The following DHX30 variants were observed in gnomAD, a reference collection of about 807,000 sequenced individuals.
DHX30 encodes ATP-dependent RNA helicase DHX30.
DHX30 carries 4 observed loss-of-function variants against 116.9 expected under a neutral mutation model. The ratio of observed to expected loss-of-function variants is 0.03; its 90% CI spans 0.02 to 0.08. The LOEUF (loss-of-function observed/expected upper bound fraction) is 0.08. DHX30 is among the 10% of genes least tolerant of loss of function. The pLI, the probability that DHX30 is intolerant of heterozygous loss-of-function variation, is 1.00. For missense variants in DHX30, 871 were observed against 1,595.1 expected (o/e 0.55, Z 7.73); for synonymous variants, 697 against 651.7 (o/e 1.07, Z -1.06).
At chr3:47,841,499 C>A in intron 7 of DHX30, 118 bp from the exon 8 acceptor site, 1 of 1,401,348 alleles carries the variant, frequency 7.1e-7, no homozygotes. Flanking sequence ...CCATTTCATG[C>A]CTTCTGCCCT....
rs768127027 is a variant in DHX30 at position 47,845,686 on chromosome 3, A to G, written c.940-14A>G. On this transcript the variant is annotated splice_polypyrimidine_tract_variant and intron_variant, in intron 9 of 21. Coordinates refer to ENST00000445061, the MANE Select transcript of DHX30 (RefSeq NM_138615.3). ...CCCCAGAGCATAGACTGAGTCTTGC[A>G]TGTCCCCCTGCAGAGCCTGGGCCTG... The G allele has an allele frequency of 1.7e-5, 27 of 1,576,636 alleles. No homozygotes were observed. Among genetic ancestry groups the G allele is most frequent in the Non-Finnish European group, 2.1e-5 (24 of 1,152,466 alleles).
At chr3:47,811,832 G>A (rs1344350109) in intron 3 of DHX30, among the ~76,000 whole-genome samples, 4 of 151,898 alleles carry the variant, frequency 2.6e-5, no homozygotes, top group Non-Finnish European at 5.9e-5. Context: ...GGGAGGCCAA[G>A]GTGGACGGAT....
chr3:47,842,536 C>T (rs953427883), intron 8 of DHX30: 3 of 152,404 alleles, frequency 2.0e-5, no homozygotes, highest in Non-Finnish European at 4.4e-5. Flanking sequence ...GTTTTTACTT[C>T]TGTAGAATTA....
At chr3:47,835,606 A>AT (rs1034263420) in intron 6 of DHX30, among the ~76,000 whole-genome samples, 1 of 138,080 alleles carries the variant, frequency 7.2e-6, no homozygotes, top group African/African-American at 2.8e-5. Context: ...CGCCCGGCCA[A>AT]TTTTTTTGTA....
intron 4 of DHX30, chr3:47,822,419 TCA>T (rs894986760): frequency 3.3e-5 from 5 of 152,256 alleles, no homozygotes; most frequent in African/African-American, 9.7e-5. Flanking sequence ...TGGAGAGGCC[TCA>T]CAACCATGGT....
Position 47,849,267 on chromosome 3 carries a change from C to T in DHX30, c.3005C>T (p.Ser1002Phe), listed in dbSNP as rs2037862031. Reference sequence around the variant, plus strand: ...AAGCCCTCGGACTGCACCCTGGCCTCCGCCCAGTGCAACGAGTACAGTGAG... The same window carrying T: ...AAGCCCTCGGACTGCACCCTGGCCTTCGCCCAGTGCAACGAGTACAGTGAG... The part of the protein sequence containing the change: ...VGKPSDCTLA[S>F]AQCNEYSEEE... Residue 1002 changes from serine to phenylalanine, a missense_variant, in exon 19 of 22, where the codon TCC (serine) becomes TTC (phenylalanine). Coordinates refer to ENST00000445061, the MANE Select transcript of DHX30 (RefSeq NM_138615.3). The T allele has an allele frequency of 6.2e-7, 1 of 1,614,158 alleles. No homozygotes were observed. Among genetic ancestry groups the T allele is most frequent in the Non-Finnish European group, 8.5e-7 (1 of 1,180,038 alleles).
chr3:47,809,805 G>A (rs1240459019), intron 2 of DHX30, among the ~76,000 whole-genome samples: 1 of 152,148 alleles, frequency 6.6e-6, no homozygotes, highest in Non-Finnish European at 1.5e-5. Context: ...TGTTGGACAT[G>A]ATTCTGATTG....
In DHX30 at chr3:47,849,265, C is replaced by T. The variant is rs1414795690; in HGVS notation, c.3003C>T (p.Ala1001=). 2 of 1,614,040 alleles carry T rather than the reference C, an allele frequency of 1.2e-6. No homozygotes were observed. The highest frequency in any genetic ancestry group is 1.6e-4 in the Middle Eastern group (1 of 6,084). The change falls in exon 19 of 22, where the codon GCC becomes GCT. Residue 1001 remains alanine, a synonymous_variant. Transcript: ENST00000445061. ...GGAAGCCCTCGGACTGCACCCTGGC[C>T]TCCGCCCAGTGCAACGAGTACAGTG... The part of the protein sequence containing the change: ...LVGKPSDCTL[A]SAQCNEYSEE...
At chr3:47,809,756 T>A (rs1437763240) in intron 2 of DHX30, among the ~76,000 whole-genome samples, 1 of 151,770 alleles carries the variant, frequency 6.6e-6, no homozygotes, top group African/African-American at 2.4e-5. Flanking sequence ...GGAACAGGAG[T>A]CAGGAGCCGG....
chr3:47,825,275 C>T (rs1306993303), intron 4 of DHX30: 2 of 564,016 alleles, frequency 3.5e-6, no homozygotes, highest in South Asian at 4.1e-5. Context: ...GGCGGGCGGT[C>T]CGCAGCGCCC....
intron 3 of DHX30, among the ~76,000 whole-genome samples, chr3:47,813,757 C>A (rs899224392): frequency 3.3e-5 from 5 of 152,116 alleles, no homozygotes; most frequent in African/African-American, 1.2e-4. Context: ...CCTGTGTAAC[C>A]CATTGAATGG....
chr3:47,841,969 C>G (rs962655632), intron 8 of DHX30: 2 of 561,038 alleles, frequency 3.6e-6, no homozygotes, highest in Admixed American at 3.1e-5. Flanking sequence ...AGACCCATAC[C>G]TCTTCTGGGC....
intron 6 of DHX30, among the ~76,000 whole-genome samples, chr3:47,829,418 A>C (rs1181317119): frequency 3.5e-5 from 5 of 141,448 alleles, no homozygotes; most frequent in African/African-American, 5.3e-5. Flanking sequence ...ATCTTGGCTC[A>C]CTGCAACCTC....
chr3:47,844,830 G>A (rs201886325), intron 9 of DHX30, among the ~76,000 whole-genome samples: 1 of 152,094 alleles, frequency 6.6e-6, no homozygotes, highest in Non-Finnish European at 1.5e-5. Flanking sequence ...CCAGTGGCTT[G>A]TTTGATCAAG....
intron 3 of DHX30, chr3:47,815,939 CTTT>C (rs200901757): frequency 2.5e-4 from 214 of 868,156 alleles, no homozygotes; most frequent in Middle Eastern, 5.9e-4. Flanking sequence ...ATCATTTATT[CTTT>C]TTTTTTTTTT....
At position 47,833,635 on chromosome 3, in the gene DHX30, G is replaced by A. The variant is rs1017708373; in HGVS notation, c.366+4501G>A. Among the ~76,000 whole-genome samples the A allele has an allele frequency of 6.6e-5, 10 of 151,548 alleles. 1 individual carries two copies. Among genetic ancestry groups the A allele is most frequent in the South Asian group, 2.1e-4 (1 of 4,796 alleles). ...AGCACTTTGGGAGTCTGAGGCTGGC[G>A]GATCACGAGGTCAGGAGTTCGAGAC... On this transcript the variant is annotated intron_variant, in intron 6 of 21. Transcript: ENST00000445061.
intron 4 of DHX30, 122 bp from the exon 5 acceptor site, chr3:47,827,224 TG>T: frequency 1.1e-6 from 1 of 920,472 alleles, no homozygotes; most frequent in Non-Finnish European, 1.6e-6. Context: ...AAGATGCTCC[TG>T]GGTGGTTTGG....
intron 4 of DHX30, chr3:47,825,058 C>T (rs1174589727): frequency 6.0e-6 from 4 of 664,352 alleles, no homozygotes; most frequent in Non-Finnish European, 8.1e-6. Context: ...CGCTAGGAGA[C>T]TCATGGCGCT....
At chr3:47,828,510 G>T (rs2036652375) in intron 5 of DHX30, among the ~76,000 whole-genome samples, 1 of 150,656 alleles carries the variant, frequency 6.6e-6, no homozygotes, top group Admixed American at 6.6e-5. Context: ...GGTGGCTCAT[G>T]CCTGTAATCC....
Sources: allele counts gnomAD v4.1 joint callset (sites outside exome capture counted in the v4.1 genomes callset), GRCh38; gene constraint gnomAD v4.1.1; transcripts MANE v1.5; gene names NCBI Gene and HGNC (gene_info 2026-07-23, HGNC 2026-07-21).